TPX2: variants seen among roughly 807,000 people sequenced by gnomAD.
The protein encoded by TPX2 is targeting protein for Xklp2.
TPX2 carries 21 observed loss-of-function variants against 93.6 expected under a neutral mutation model. The ratio of observed to expected loss-of-function variants is 0.22; its 90% confidence interval spans 0.16 to 0.32. The LOEUF (loss-of-function observed/expected upper bound fraction) is 0.32. Ranked by LOEUF, TPX2 falls within the 10% of genes least tolerant of loss-of-function variation. The probability of loss-of-function intolerance (pLI) is 1.00; values close to 1 mark genes in which losing one functional copy is unlikely to be tolerated. For missense variants in TPX2, 776 were observed against 871.1 expected (o/e 0.89, Z 1.37); for synonymous variants, 281 against 298.3 (o/e 0.94, Z 0.60).
At chr20:31,777,395 G>A (rs1016393481) in intron 8 of TPX2, 92 bp from the exon 9 acceptor site, 1 of 1,469,016 alleles carries the variant, frequency 6.8e-7, no homozygotes, top group South Asian at 1.4e-5. Flanking sequence ...GATCCATGGT[G>A]ACAGAAATAG....
chr20:31,783,116 CCTT>C (rs1044906973), intron 11 of TPX2, among the ~76,000 whole-genome samples: 30 of 152,188 alleles, frequency 2.0e-4, no homozygotes, highest in Non-Finnish European at 2.6e-4. Context: ...TTTCCTGTAT[CCTT>C]CTTCCATTCC....
chr20:31,760,920 T>C (rs1394705016), intron 4 of TPX2, among the ~76,000 whole-genome samples: 1 of 152,036 alleles, frequency 6.6e-6, no homozygotes, highest in Non-Finnish European at 1.5e-5. Context: ...TATTGTCTGT[T>C]TGGTTAGAAC....
intron 15 of TPX2, among the ~76,000 whole-genome samples, chr20:31,795,971 G>T (rs2123096496): frequency 6.6e-6 from 1 of 152,230 alleles, no homozygotes; most frequent in Non-Finnish European, 1.5e-5. Flanking sequence ...GAGTTGTAAT[G>T]GCTTACATGA....
chr20:31,790,041 C>G (rs899995605), intron 12 of TPX2, among the ~76,000 whole-genome samples: 1 of 152,212 alleles, frequency 6.6e-6, no homozygotes, highest in African/African-American at 2.4e-5. Flanking sequence ...CCCGTGGCTT[C>G]TTGCTCACTA....
intron 5 of TPX2, among the ~76,000 whole-genome samples, chr20:31,768,402 A>ATT (rs71272861): frequency 0.012 from 1,627 of 140,346 alleles, 20 homozygotes; most frequent in African/African-American, 0.039. Flanking sequence ...CGCGCGGCTA[A>ATT]TTTTTTTTTT....
chr20:31,750,566 A>G (rs1392364386), intron 2 of TPX2, among the ~76,000 whole-genome samples: 2 of 151,576 alleles, frequency 1.3e-5, no homozygotes, highest in Non-Finnish European at 2.9e-5. Context: ...CCTGCATTCA[A>G]GCGATTCTCC....
At chr20:31,769,974 A>AT (rs1568586377) in intron 5 of TPX2, among the ~76,000 whole-genome samples, 3 of 151,902 alleles carry the variant, frequency 2.0e-5, no homozygotes, top group African/African-American at 7.3e-5. Flanking sequence ...ATTTTTAAAA[A>AT]ATTTTTTGTA....
chr20:31,784,837 C>G (rs767579476), intron 12 of TPX2, among the ~76,000 whole-genome samples: 1 of 152,152 alleles, frequency 6.6e-6, no homozygotes, highest in African/African-American at 2.4e-5. Context: ...TGCATAAATG[C>G]GAAAGCGGCT....
At chr20:31,764,145 T>G (rs1470971888) in intron 4 of TPX2, among the ~76,000 whole-genome samples, 1 of 149,656 alleles carries the variant, frequency 6.7e-6, no homozygotes, top group East Asian at 1.9e-4. Flanking sequence ...TATACATGTA[T>G]GTGTACATAC....
intron 4 of TPX2, among the ~76,000 whole-genome samples, chr20:31,765,333 CG>C (rs2061918426): frequency 7.8e-6 from 1 of 127,924 alleles, no homozygotes; most frequent in South Asian, 2.7e-4. Flanking sequence ...AAAAAAAAAA[CG>C]TTTATCAAAA....
At chr20:31,756,287 G>A (rs980000886) in intron 2 of TPX2, among the ~76,000 whole-genome samples, 2 of 152,142 alleles carry the variant, frequency 1.3e-5, no homozygotes, top group Non-Finnish European at 2.9e-5. Context: ...TGTTACAGTG[G>A]AGATATAAAC....
At chr20:31,753,530 A>G (rs1227723083) in intron 2 of TPX2, among the ~76,000 whole-genome samples, 4 of 152,156 alleles carry the variant, frequency 2.6e-5, no homozygotes, top group Non-Finnish European at 5.9e-5. Flanking sequence ...TTAATATCTT[A>G]TAGACTGCAA....
intron 2 of TPX2, among the ~76,000 whole-genome samples, chr20:31,744,119 A>T (rs6060919): frequency 0.37 from 54,785 of 149,558 alleles, 12,159 homozygotes; most frequent in African/African-American, 0.61. Flanking sequence ...TTTCATTTTT[A>T]AAAAAATCAT....
At chr20:31,749,167 C>T (rs1327351716) in intron 2 of TPX2, among the ~76,000 whole-genome samples, 1 of 151,970 alleles carries the variant, frequency 6.6e-6, no homozygotes, top group Non-Finnish European at 1.5e-5. Flanking sequence ...AGGATGGTCT[C>T]AATCTCTTGA....
chr20:31,775,733 A>G, intron 7 of TPX2, 134 bp from the exon 8 acceptor site: 1 of 854,562 alleles, frequency 1.2e-6, no homozygotes, highest in Non-Finnish European at 1.6e-6. Flanking sequence ...GCATCTATTT[A>G]TTAGATGATA....
At chr20:31,774,627 GTT>G (rs2061984535) in intron 7 of TPX2, among the ~76,000 whole-genome samples, 1 of 152,182 alleles carries the variant, frequency 6.6e-6, no homozygotes, top group African/African-American at 2.4e-5. Context: ...AAGTTAAATA[GTT>G]TTCTCAAGAT....
chr20:31,782,520 A>G lies in TPX2; in HGVS notation c.1196+130A>G. 2 of 1,154,376 alleles carry G rather than the reference A, an allele frequency of 1.7e-6. 1 individual carries two copies. The highest frequency in any genetic ancestry group is 3.2e-5 in the South Asian group (2 of 62,642). The allele number at this position is 1,154,376 out of a possible 1,614,324, so 71.5% of individuals were successfully genotyped here. A position where few individuals can be genotyped will look rare whatever the true frequency, so the allele number is the denominator to read the frequency against. On this transcript the variant is annotated intron_variant, in intron 11 of 17. Transcript: ENST00000300403. ...ATGGCATTTGAGTAGTAGGCTCTGC[A>G]GGCTACGCCCCTGCCTATATGATTT...
intron 2 of TPX2, among the ~76,000 whole-genome samples, chr20:31,752,837 A>G (rs527617392): frequency 3.9e-5 from 6 of 152,130 alleles, no homozygotes; most frequent in East Asian, 1.9e-4. Flanking sequence ...GATGGTCTCA[A>G]TCTCCTCACC....
Position 31,801,428 on chromosome 20 carries a change from C to A in TPX2, c.*348C>A, listed in dbSNP as rs1005133534. 3 of 178,162 alleles carry A rather than the reference C, an allele frequency of 1.7e-5. No individual in the cohort carries two copies. The highest frequency in any genetic ancestry group is 3.5e-5 in the Non-Finnish European group (3 of 85,400). 11.0% of individuals were successfully genotyped at this position (178,162 alleles called of 1,614,324 possible). A position where few individuals can be genotyped will look rare whatever the true frequency, so the allele number is the denominator to read the frequency against. ...TAATCTCTATTGCTATTGCCCCTTA[C>A]GACTCTCACCCTCTCCCCACTTTTT... On this transcript the variant is annotated 3_prime_UTR_variant, in exon 18 of 18. Coordinates refer to ENST00000300403, the MANE Select transcript of TPX2 (RefSeq NM_012112.5).
Sources: allele counts gnomAD v4.1 joint callset (sites outside exome capture counted in the v4.1 genomes callset), GRCh38; gene constraint gnomAD v4.1.1; transcripts MANE v1.5; gene names NCBI Gene and HGNC (gene_info 2026-07-23, HGNC 2026-07-21).